The following NPAT variants were observed in gnomAD, a reference collection of about 807,000 sequenced individuals.
NPAT encodes the protein nuclear protein, coactivator of histone transcription.
A neutral mutation model predicts 130.7 loss-of-function variants in NPAT; 52 were observed. The observed-to-expected ratio is 0.40, with a 90% CI of 0.32 to 0.50. The LOEUF is 0.50. NPAT is among the 20% of genes least tolerant of loss of function. The probability of loss-of-function intolerance (pLI) is 0.68; values close to 1 mark genes in which losing one functional copy is unlikely to be tolerated. For missense variants in NPAT, 1,687 were observed against 1,662.6 expected, an observed-to-expected ratio of 1.01 and a Z score of -0.26; for synonymous variants, 580 against 584.8, an observed-to-expected ratio of 0.99 and a Z score of 0.12.
chr11:108,213,260 C>T (rs1005076554), intron 1 of NPAT, among the ~76,000 whole-genome samples: 3 of 151,994 alleles, frequency 2.0e-5, no homozygotes, highest in African/African-American at 4.8e-5. Flanking sequence ...GCAACAAGAG[C>T]GAAACTCTGT....
chr11:108,185,995 A>C (rs2078104202), intron 8 of NPAT, among the ~76,000 whole-genome samples: 1 of 151,574 alleles, frequency 6.6e-6, no homozygotes, highest in South Asian at 2.1e-4. Flanking sequence ...TGCTGGGATT[A>C]CAGGTACAAG....
At chr11:108,164,197 G>A (rs1034654936) in intron 15 of NPAT, among the ~76,000 whole-genome samples, 3 of 152,206 alleles carry the variant, frequency 2.0e-5, no homozygotes, top group Admixed American at 6.5e-5. Context: ...GAGACGTGTT[G>A]TGCAAGACTG....
At chr11:108,163,848 A>G (rs981737822) in intron 15 of NPAT, among the ~76,000 whole-genome samples, 2 of 152,186 alleles carry the variant, frequency 1.3e-5, no homozygotes, top group African/African-American at 2.4e-5. Flanking sequence ...GATGCATGAG[A>G]AAAGACAGTA....
At chr11:108,192,846 C>G (rs922450696) in intron 3 of NPAT, among the ~76,000 whole-genome samples, 1 of 152,074 alleles carries the variant, frequency 6.6e-6, no homozygotes, top group Non-Finnish European at 1.5e-5. Context: ...CCCAGCTACT[C>G]GGGAGACTGA....
At chr11:108,206,884 C>T (rs972237041) in intron 1 of NPAT, among the ~76,000 whole-genome samples, 3 of 151,968 alleles carry the variant, frequency 2.0e-5, no homozygotes, top group African/African-American at 4.8e-5. Context: ...GTAGGCAGGT[C>T]GTCCCCACGA....
intron 15 of NPAT, among the ~76,000 whole-genome samples, chr11:108,164,402 T>C (rs889820469): frequency 6.6e-6 from 1 of 152,132 alleles, no homozygotes; most frequent in African/African-American, 2.4e-5. Context: ...GAGTAGCTAG[T>C]GGCTATGTAG....
intron 1 of NPAT, among the ~76,000 whole-genome samples, chr11:108,216,374 A>G (rs942578740): frequency 8.5e-5 from 13 of 152,168 alleles, no homozygotes; most frequent in African/African-American, 2.9e-4. Flanking sequence ...AGAGGCTGAA[A>G]ATTGGTTCTG....
chr11:108,197,132 AT>A (rs2078230179), intron 2 of NPAT, among the ~76,000 whole-genome samples, 169 bp downstream of exon 2: 1 of 152,234 alleles, frequency 6.6e-6, no homozygotes. Flanking sequence ...TTTGGCATAA[AT>A]TTGTAAAAAG....
intron 1 of NPAT, among the ~76,000 whole-genome samples, 189 bp from the exon 2 acceptor site, chr11:108,197,609 T>C (rs761584681): frequency 6.6e-6 from 1 of 152,188 alleles, no homozygotes; most frequent in Non-Finnish European, 1.5e-5. Flanking sequence ...ATAGAACAGG[T>C]GGCCCTTTCA....
rs1187767380 is a variant in NPAT at position 108,172,996 on chromosome 11, G to A, written c.1988C>T (p.Ser663Leu). Reference protein sequence around the residue: ...ASKSENSQEPSSSVKEENTIF... With the variant: ...ASKSENSQEPLSSVKEENTIF... The stretch of plus-strand genomic sequence containing the variant: ...AGTATTCTCTTCTTTTACAGAAGAT[G>A]AAGGCTCCTGTGAATTCTCAGACTT... The change falls in exon 13 of 18, where the codon TCA becomes TTA. Residue 663 changes from serine (S) to leucine (L), a missense_variant. Around this residue, in one of 3 missense-constraint regions of NPAT, gnomAD observed 1,379 missense variants for 1,346.6 expected, o/e 1.02. Transcript: ENST00000278612. 1 of 1,614,030 alleles carries A rather than the reference G, an allele frequency of 6.2e-7. No homozygotes were observed. The highest frequency in any genetic ancestry group is 1.1e-5 in the South Asian group (1 of 91,076).
chr11:108,208,433 T>A (rs890046758), intron 1 of NPAT: 2 of 455,770 alleles, frequency 4.4e-6, no homozygotes, highest in Admixed American at 4.7e-5. Flanking sequence ...CTATGGTTTT[T>A]AGAAATTAGC....
chr11:108,191,110 C>T (rs767037029), intron 4 of NPAT, among the ~76,000 whole-genome samples: 2 of 152,068 alleles, frequency 1.3e-5, no homozygotes, highest in African/African-American at 2.4e-5. Flanking sequence ...AGAAACTCTA[C>T]ATATTAACAT....
At chr11:108,210,531 C>T (rs1052881644) in intron 1 of NPAT, among the ~76,000 whole-genome samples, 1 of 152,178 alleles carries the variant, frequency 6.6e-6, no homozygotes, top group African/African-American at 2.4e-5. Flanking sequence ...GATGCCAGCA[C>T]CATGCTTCCT....
intron 4 of NPAT, among the ~76,000 whole-genome samples, chr11:108,191,030 C>T (rs566814282): frequency 2.6e-5 from 4 of 152,200 alleles, no homozygotes; most frequent in East Asian, 1.9e-4. Context: ...ATCACACCAC[C>T]GCATTCCAGC....
intron 1 of NPAT, among the ~76,000 whole-genome samples, chr11:108,198,154 T>C (rs575024413): frequency 6.6e-6 from 1 of 152,182 alleles, no homozygotes; most frequent in Non-Finnish European, 1.5e-5. Context: ...TGCATAAAAT[T>C]AGTTCAGCAA....
rs1183963806 is a variant in NPAT, at chr11:108,197,509, T to C, written c.38-89A>G. 12 of 862,598 alleles carry C rather than the reference T, an allele frequency of 1.4e-5. No homozygotes were observed. The Admixed American group carries it at 1.8e-4, about 13-fold the overall frequency. 53.4% of individuals were successfully genotyped at this position (862,598 alleles called of 1,614,324 possible). A position where few individuals can be genotyped will look rare whatever the true frequency, so the allele number is the denominator to read the frequency against. On this transcript the variant is annotated intron_variant, in intron 1 of 17. Transcript: ENST00000278612. ...TTGAAAATGCTGTAGCATGTACTGA[T>C]GTCACAATTGAAACCTTAGGTGGAA...
intron 1 of NPAT, among the ~76,000 whole-genome samples, chr11:108,220,825 G>C (rs954562045): frequency 6.6e-6 from 1 of 152,166 alleles, no homozygotes; most frequent in Non-Finnish European, 1.5e-5. Context: ...GCTTCAGGGA[G>C]ATTTGTAACA....
chr11:108,190,926 T>C (rs2078163311), intron 4 of NPAT, among the ~76,000 whole-genome samples: 1 of 152,074 alleles, frequency 6.6e-6, no homozygotes, highest in African/African-American at 2.4e-5. Context: ...AAATAAAAAT[T>C]AGCCAGGTGG....
chr11:108,192,677 C>T (rs1036771003), intron 3 of NPAT, among the ~76,000 whole-genome samples: 2 of 152,060 alleles, frequency 1.3e-5, no homozygotes, highest in Admixed American at 6.5e-5. Flanking sequence ...AATGAGAGGC[C>T]GGGCATGGTG....
Sources: allele counts gnomAD v4.1 joint callset (sites outside exome capture counted in the v4.1 genomes callset), GRCh38; gene constraint gnomAD v4.1.1; regional missense constraint gnomAD v4.1.1; transcripts MANE v1.5; gene names NCBI Gene and HGNC (gene_info 2026-07-23, HGNC 2026-07-21).